Variants in KLHL22 observed in about 807,000 individuals in gnomAD.
KLHL22 encodes kelch like family member 22.
A neutral mutation model predicts 60.7 loss-of-function variants in KLHL22; 18 were observed. The ratio of observed to expected loss-of-function variants is 0.30; its 90% CI spans 0.20 to 0.44. KLHL22 has a LOEUF of 0.44. Among genes scored for constraint, KLHL22 ranks in the 20% least tolerant of loss-of-function variants. The probability of loss-of-function intolerance (pLI) is 1.00; values close to 1 mark genes in which losing one functional copy is unlikely to be tolerated. For missense variants in KLHL22, 596 were observed against 852.3 expected (o/e 0.70, Z 3.74); for synonymous variants, 355 against 354.5 (o/e 1.00, Z -0.01).
intron 5 of KLHL22, among the ~76,000 whole-genome samples, chr22:20,449,067 TTG>T (rs1491016963): frequency 2.7e-5 from 4 of 150,212 alleles, no homozygotes; most frequent in African/African-American, 7.5e-5. Context: ...TTTGTTTTGT[TTG>T]TTTTTTTTTG....
intron 6 of KLHL22, among the ~76,000 whole-genome samples, chr22:20,443,150 G>A (rs557793904): frequency 3.9e-5 from 6 of 152,294 alleles, no homozygotes; most frequent in African/African-American, 2.4e-5. Flanking sequence ...CTATGTATCT[G>A]TCTGACATGC....
intron 5 of KLHL22, chr22:20,456,133 A>T (rs2053059003): frequency 6.6e-6 from 1 of 152,216 alleles, no homozygotes; most frequent in Non-Finnish European, 1.5e-5. Flanking sequence ...TCAGATGGAC[A>T]TTCCCCAAAA....
intron 5 of KLHL22, among the ~76,000 whole-genome samples, chr22:20,452,062 G>A (rs899948700): frequency 6.6e-6 from 1 of 151,990 alleles, no homozygotes; most frequent in African/African-American, 2.4e-5. Flanking sequence ...GGATGTGAGA[G>A]ACCACATTAC....
At chr22:20,449,912 G>A (rs1471609578) in intron 5 of KLHL22, among the ~76,000 whole-genome samples, 2 of 152,040 alleles carry the variant, frequency 1.3e-5, no homozygotes, top group African/African-American at 2.4e-5. Context: ...TCATCACGTC[G>A]CGTGGCCGCA....
At position 20,454,316 on chromosome 22, in the gene KLHL22, G is replaced by A. The variant is rs191950623; in HGVS notation, c.1305+3492C>T. ...TGCACTCCAGCCTGGGTGACAGAGC[G>A]AGACTCTGTCTCAAAAAAAATAAAA... is the stretch of plus-strand genomic sequence containing the variant. On this transcript the variant is annotated intron_variant, in intron 5 of 6. Transcript: ENST00000328879. Among the ~76,000 whole-genome samples, 709 of 152,076 alleles carry A rather than the reference G, an allele frequency of 4.7e-3. 9 individuals are homozygous for A. Among genetic ancestry groups the A allele is most frequent in the Middle Eastern group, 0.02 (6 of 294 alleles).
chr22:20,492,360 C>T (rs2053705128), intron 1 of KLHL22, among the ~76,000 whole-genome samples: 1 of 152,106 alleles, frequency 6.6e-6, no homozygotes, highest in Non-Finnish European at 1.5e-5. Context: ...TACCAGTTTC[C>T]CTACCTCTTG....
At chr22:20,492,679 T>A (rs939999347) in intron 1 of KLHL22, among the ~76,000 whole-genome samples, 1 of 151,814 alleles carries the variant, frequency 6.6e-6, no homozygotes. Flanking sequence ...AACCTCTGCC[T>A]CTCAGGTTCA....
At position 20,469,399 on chromosome 22, in the gene KLHL22, G is replaced by A. The variant is rs532261572; in HGVS notation, c.393+1951C>T. On this transcript the variant is annotated intron_variant, in intron 3 of 6. Transcript: ENST00000328879. ...ACAGGGGAGCTCCGGGAGAGTGGCAGGTGTGGAGGAGGAGATAGGACAGCT... is the reference window on the plus strand; with the variant it reads ...ACAGGGGAGCTCCGGGAGAGTGGCAAGTGTGGAGGAGGAGATAGGACAGCT... Among the ~76,000 whole-genome samples, 30 of 152,202 alleles carry A rather than the reference G, an allele frequency of 2.0e-4. 1 individual carries two copies. Among genetic ancestry groups the A allele is most frequent in the Admixed American group, 1.8e-3 (28 of 15,294 alleles).
At chr22:20,446,758 C>A in intron 5 of KLHL22, 82 bp from the exon 6 acceptor site, 1 of 987,108 alleles carries the variant, frequency 1.0e-6, no homozygotes, top group Non-Finnish European at 1.6e-6. Flanking sequence ...CAATCACCAC[C>A]CCACACCTGC....
intron 3 of KLHL22, among the ~76,000 whole-genome samples, chr22:20,467,403 TC>T (rs988535771): frequency 1.3e-5 from 2 of 152,312 alleles, no homozygotes; most frequent in Admixed American, 1.3e-4. Flanking sequence ...GCTACATCAC[TC>T]TATACATAAG....
At chr22:20,468,665 G>T (rs2053269436) in intron 3 of KLHL22, among the ~76,000 whole-genome samples, 1 of 151,290 alleles carries the variant, frequency 6.6e-6, no homozygotes. Context: ...GAAGAAGCCT[G>T]TTTTTTTTTG....
rs559309646 is a variant in KLHL22 at position 20,449,981 on chromosome 22, G to T, written c.1306-3305C>A. 5.7e-5 allele frequency: 32 copies of T among 562,822 alleles called. No homozygotes were observed. The African/African-American group carries it at 5.7e-4, about 10-fold the overall frequency. 34.9% of individuals were successfully genotyped at this position (562,822 alleles called of 1,614,324 possible). On this transcript the variant is annotated intron_variant, in intron 5 of 6. Transcript: ENST00000328879. ...GCCGGGGCGGCGGCGGCGACGCTTC[G>T]GCTCCTCCTGAGCCACCTGCTGGAC... is the stretch of plus-strand genomic sequence containing the variant.
At position 20,483,708 on chromosome 22, in the gene KLHL22, G is replaced by A. The variant is rs561161273; in HGVS notation, c.227+5277C>T. ...CAAAGATCTGAGCCCTCAGGTCCTC[G>A]ATGGTCTTGAAGTAATGCCTCCAGT... is the stretch of plus-strand genomic sequence containing the variant. On this transcript the variant is annotated intron_variant, in intron 2 of 6. Coordinates refer to ENST00000328879, the MANE Select transcript of KLHL22 (RefSeq NM_032775.4). The A allele has an allele frequency of 2.2e-4, 161 of 735,502 alleles. 1 individual carries two copies. The highest frequency in any genetic ancestry group is 1.6e-3 in the East Asian group (62 of 39,732). The allele number at this position is 735,502 out of a possible 1,614,324, so 45.6% of individuals were successfully genotyped here.
chr22:20,455,217 G>A (rs1456980511), intron 5 of KLHL22, among the ~76,000 whole-genome samples: 1 of 152,098 alleles, frequency 6.6e-6, no homozygotes, highest in African/African-American at 2.4e-5. Flanking sequence ...CCCAACATCT[G>A]ATCCATCAGC....
intron 5 of KLHL22, among the ~76,000 whole-genome samples, chr22:20,452,710 G>A (rs2052999242): frequency 6.6e-6 from 1 of 152,214 alleles, no homozygotes; most frequent in African/African-American, 2.4e-5. Flanking sequence ...TCTAGCCATG[G>A]CAGTGTTAAC....
At position 20,451,277 on chromosome 22, in the gene KLHL22, T is replaced by C. The variant is rs2052973488; in HGVS notation, c.1306-4601A>G. 9.3e-5 allele frequency: 149 copies of C among 1,606,456 alleles called. 1 individual carries two copies. The South Asian group carries it at 1.6e-3, about 17-fold the overall frequency. ...GATTTGATCTATGTCTCTGGAGGCT[T>C]TGATGGAAGCAGGCGTCACACCAGT... On this transcript the variant is annotated intron_variant, in intron 5 of 6. Coordinates refer to ENST00000328879, the MANE Select transcript of KLHL22 (RefSeq NM_032775.4).
chr22:20,489,319 T>C (rs2053643783), intron 1 of KLHL22, 75 bp from the exon 2 acceptor site: 2 of 1,078,576 alleles, frequency 1.9e-6, no homozygotes, highest in Non-Finnish European at 2.8e-6. Flanking sequence ...TGGCCAGCTC[T>C]GTTGCTCCCC....
At chr22:20,480,656 C>A (rs2053483583) in intron 2 of KLHL22, among the ~76,000 whole-genome samples, 1 of 152,066 alleles carries the variant, frequency 6.6e-6, no homozygotes. Flanking sequence ...TGTACACATG[C>A]CACATAGGAT....
intron 3 of KLHL22, among the ~76,000 whole-genome samples, chr22:20,469,188 G>A (rs1360769065): frequency 6.6e-6 from 1 of 152,160 alleles, no homozygotes; most frequent in Non-Finnish European, 1.5e-5. Flanking sequence ...ACATACAGAT[G>A]GAGGCCAGGC....
Sources: allele counts gnomAD v4.1 joint callset (sites outside exome capture counted in the v4.1 genomes callset), GRCh38; gene constraint gnomAD v4.1.1; transcripts MANE v1.5; gene names NCBI Gene and HGNC (gene_info 2026-07-23, HGNC 2026-07-21).